The following ZNF286A variants were observed in gnomAD, a reference collection of about 807,000 sequenced individuals.
The protein encoded by ZNF286A is zinc finger protein 286A.
A neutral mutation model predicts 49.3 loss-of-function variants in ZNF286A; 34 were observed. The ratio of observed to expected loss-of-function variants is 0.69; its 90% CI spans 0.52 to 0.92. ZNF286A has a LOEUF of 0.92. Among genes scored for constraint, ZNF286A ranks in the 40% least tolerant of loss-of-function variants. The pLI is 0.00. For missense variants in ZNF286A, 462 were observed against 600.2 expected, an observed-to-expected ratio of 0.77 and a Z score of 2.41; for synonymous variants, 155 against 200.4, an observed-to-expected ratio of 0.77 and a Z score of 1.91.
chr17:15,708,131 C>T, intron 4 of ZNF286A, 24 bp from the exon 5 acceptor site: 1 of 1,508,304 alleles, frequency 6.6e-7, no homozygotes, highest in South Asian at 1.4e-5. Context: ...TTCTTTCTGT[C>T]TTTTTCTTTT....
intron 5 of ZNF286A, among the ~76,000 whole-genome samples, chr17:15,711,016 A>G (rs537591537): frequency 6.6e-6 from 1 of 152,072 alleles, no homozygotes; most frequent in African/African-American, 2.4e-5. Context: ...GGTTCAAGCA[A>G]TTCTCCTGCC....
intron 4 of ZNF286A, among the ~76,000 whole-genome samples, chr17:15,707,234 A>G (rs1352746802): frequency 6.6e-6 from 1 of 152,076 alleles, no homozygotes; most frequent in African/African-American, 2.4e-5. Flanking sequence ...AGGTCAGGAG[A>G]TCGAGACCAT....
chr17:15,714,390 G>T (rs1370268540), intron 5 of ZNF286A, among the ~76,000 whole-genome samples: 2 of 152,012 alleles, frequency 1.3e-5, no homozygotes, highest in Non-Finnish European at 2.9e-5. Context: ...GTTTCCCAGG[G>T]ATTCATGGAC....
At chr17:15,705,234 ACTTTG>A (rs921954682) in intron 3 of ZNF286A, among the ~76,000 whole-genome samples, 4 of 152,188 alleles carry the variant, frequency 2.6e-5, no homozygotes, top group African/African-American at 9.6e-5. Flanking sequence ...TTTATATTTT[ACTTTG>A]CTTTATTATT....
intron 3 of ZNF286A, among the ~76,000 whole-genome samples, chr17:15,701,832 C>T (rs916983691): frequency 3.9e-5 from 6 of 152,120 alleles, no homozygotes; most frequent in African/African-American, 7.2e-5. Flanking sequence ...ACAAATATTA[C>T]GAATGTTTGG....
chr17:15,710,939 T>G (rs1280076564), intron 5 of ZNF286A, among the ~76,000 whole-genome samples: 1 of 151,022 alleles, frequency 6.6e-6, no homozygotes, highest in Admixed American at 6.6e-5. Context: ...TTTGACGGAG[T>G]CTTGCTCTGT....
rs1967074047 is a variant in ZNF286A, at chr17:15,716,646, A to G, written c.922A>G (p.Thr308Ala). The G allele has an allele frequency of 6.2e-7, 1 of 1,614,020 alleles. No individual in the cohort carries two copies. The highest frequency in any genetic ancestry group is 1.1e-5 in the South Asian group (1 of 91,092). Reference sequence around the variant, plus strand: ...ATGCAGTGAATGCAAGAAAACCTTCACAGAAAGCTCATCCCTTGCAACACA... The same window carrying G: ...ATGCAGTGAATGCAAGAAAACCTTCGCAGAAAGCTCATCCCTTGCAACACA... ...FECSECKKTF[T>A]ESSSLATHQR... is the part of the protein sequence containing the mutation. Residue 308 changes from threonine to alanine, a missense_variant, in exon 6 of 6, where the codon ACA (threonine) becomes GCA (alanine). By Grantham distance (58) the Thr-to-Ala change is moderately conservative. This residue lies in a region of ZNF286A where 201 missense variants were observed against 311.3 expected (regional missense o/e 0.65). Transcript: ENST00000583566.
Position 15,717,097 on chromosome 17 carries a change from G to A in ZNF286A, c.1373G>A (p.Arg458Lys). The A allele has an allele frequency of 6.2e-7, 1 of 1,614,074 alleles. No individual in the cohort carries two copies. The highest frequency in any genetic ancestry group is 8.5e-7 in the Non-Finnish European group (1 of 1,180,036). ...SRSSNFAKHQ[R>K]IHIGKKPYKC... ...AGCTCCAATTTTGCTAAACATCAAAGAATTCATATTGGAAAGAAACCGTAC... is the reference window on the plus strand; with the variant it reads ...AGCTCCAATTTTGCTAAACATCAAAAAATTCATATTGGAAAGAAACCGTAC... Residue 458 changes from arginine (R) to lysine (K), a missense_variant, in exon 6 of 6, where the codon AGA becomes AAA. Transcript: ENST00000583566.
rs73978518 is a variant in ZNF286A at position 15,714,719 on chromosome 17, A to G, written c.335-1340A>G. Reference sequence around the variant, plus strand: ...GTTAGATTAAATTTTCTCTTCCTCTATATGTATAGTGACTGTTTTTTCCCA... The same window carrying G: ...GTTAGATTAAATTTTCTCTTCCTCTGTATGTATAGTGACTGTTTTTTCCCA... On this transcript the variant is annotated intron_variant, in intron 5 of 5. Coordinates refer to ENST00000583566, the MANE Select transcript of ZNF286A (RefSeq NM_001130842.2). Among the ~76,000 whole-genome samples, 4 of 152,066 alleles carry G rather than the reference A, an allele frequency of 2.6e-5. No individual in the cohort carries two copies. In the East Asian group the frequency reaches 7.7e-4, roughly 29 times the overall value.
intron 5 of ZNF286A, among the ~76,000 whole-genome samples, chr17:15,714,773 G>A (rs867268185): frequency 1.4e-5 from 2 of 147,160 alleles, no homozygotes; most frequent in African/African-American, 2.5e-5. Flanking sequence ...AGCACATGGA[G>A]GATATTCTAT....
At chr17:15,704,818 G>T (rs1239048543) in intron 3 of ZNF286A, 1 of 1,613,770 alleles carries the variant, frequency 6.2e-7, no homozygotes, top group Non-Finnish European at 8.5e-7. Context: ...GATGCCATCG[G>T]GTGGGTCTGC....
rs1402440627 is a variant in ZNF286A at position 15,717,254 on chromosome 17, C to T, written c.1530C>T (p.Ile510=). 6.2e-7 allele frequency: 1 copy of T among 1,606,134 alleles called. No homozygotes were observed. Among genetic ancestry groups the T allele is most frequent in the Non-Finnish European group, 8.5e-7 (1 of 1,175,654 alleles). The change falls in exon 6 of 6, where the codon ATC becomes ATT. Residue 510 remains isoleucine, a synonymous_variant. Transcript: ENST00000583566. The part of the protein sequence containing the change: ...GKSFKCSSSL[I]RHQRVHTEEQ... ...GCTTTAAGTGCAGTTCATCTCTCAT[C>T]AGACATCAAAGAGTTCACACTGAAG...
chr17:15,715,714 A>T (rs1967007535), intron 5 of ZNF286A, among the ~76,000 whole-genome samples: 1 of 152,174 alleles, frequency 6.6e-6, no homozygotes, highest in Non-Finnish European at 1.5e-5. Context: ...GAAATTTATT[A>T]CAATAAGTAG....
Position 15,699,767 on chromosome 17 carries a change from C to A in ZNF286A, c.-206C>A. ...AGAAGTTCGTCCCCTTTGTGAGGCC[C>A]GGGATGGGAGGTGAGTTGCTTGTGG... On this transcript the variant is annotated 5_prime_UTR_variant, in exon 1 of 6. Transcript: ENST00000583566. The A allele has an allele frequency of 1.4e-6, 1 of 702,880 alleles. No homozygotes were observed. The highest frequency in any genetic ancestry group is 2.6e-6 in the Non-Finnish European group (1 of 384,876). 43.5% of individuals were successfully genotyped at this position (702,880 alleles called of 1,614,324 possible). A position where few individuals can be genotyped will look rare whatever the true frequency, so the allele number is the denominator to read the frequency against.
intron 4 of ZNF286A, 118 bp from the exon 5 acceptor site, chr17:15,708,035 AAG>A (rs1990368600): frequency 5.6e-6 from 3 of 540,044 alleles, no homozygotes; most frequent in South Asian, 8.6e-5. Context: ...AAAAAAAAGA[AAG>A]AAAGTTGGAA....
chr17:15,706,854 T>C (rs1187757486), intron 4 of ZNF286A, among the ~76,000 whole-genome samples: 1 of 152,206 alleles, frequency 6.6e-6, no homozygotes, highest in Non-Finnish European at 1.5e-5. Context: ...ATTCCTAGGA[T>C]TTCCCCATGT....
intron 3 of ZNF286A, among the ~76,000 whole-genome samples, chr17:15,702,348 T>G (rs28688840): frequency 0.58 from 87,019 of 151,210 alleles, 25,122 homozygotes; most frequent in East Asian, 0.65. Context: ...AACCTCGTCT[T>G]TACTTAAAAT....
At chr17:15,712,833 C>G (rs1421410919) in intron 5 of ZNF286A, among the ~76,000 whole-genome samples, 1 of 152,062 alleles carries the variant, frequency 6.6e-6, no homozygotes, top group Non-Finnish European at 1.5e-5. Flanking sequence ...GCTGCCTTCA[C>G]GGTAACAGAC....
intron 3 of ZNF286A, among the ~76,000 whole-genome samples, chr17:15,701,881 G>A (rs1989801614): frequency 6.6e-6 from 1 of 152,108 alleles, no homozygotes; most frequent in South Asian, 2.1e-4. Context: ...CCAGCACTTT[G>A]GGAGGCCAAG....
Sources: gnomAD v4.1 joint callset for allele counts (sites outside exome capture counted in the v4.1 genomes callset) on GRCh38, gnomAD v4.1.1 for gene constraint, gnomAD v4.1.1 regional missense constraint, MANE v1.5 for transcripts, NCBI Gene and HGNC (gene_info 2026-07-23, HGNC 2026-07-21) for gene names.